The following CORO2B variants were observed in gnomAD, a reference collection of about 807,000 sequenced individuals.
CORO2B encodes the protein coronin-2B.
CORO2B carries 26 observed loss-of-function variants against 58.8 expected under a neutral mutation model. That is an observed-to-expected ratio of 0.44 (90% CI 0.32 to 0.61). The LOEUF is 0.61. CORO2B is among the 20% of genes least tolerant of loss of function. The pLI is 0.04. For missense variants in CORO2B, 460 were observed against 645.1 expected, an observed-to-expected ratio of 0.71 and a Z score of 3.11; for synonymous variants, 242 against 253.8, an observed-to-expected ratio of 0.95 and a Z score of 0.44.
chr15:68,641,532 A>G (rs1901228380), intron 1 of CORO2B: 1 of 985,210 alleles, frequency 1.0e-6, no homozygotes. Context: ...GTGAAGTCAG[A>G]TGGGAAAACA....
the CORO2B span, among the ~76,000 whole-genome samples, chr15:68,548,015 A>G: frequency 6.6e-6 from 1 of 152,106 alleles, no homozygotes; most frequent in East Asian, 2.0e-4. Context: ...TACTAAAAAT[A>G]CAAAAATTAG....
At chr15:68,683,874 A>G (rs923903702) in intron 2 of CORO2B, among the ~76,000 whole-genome samples, 1 of 152,158 alleles carries the variant, frequency 6.6e-6, no homozygotes, top group African/African-American at 2.4e-5. Flanking sequence ...GTGTATAACC[A>G]TGGGCATGGC....
chr15:68,533,176 T>A, the CORO2B span, among the ~76,000 whole-genome samples: 1 of 152,210 alleles, frequency 6.6e-6, no homozygotes, highest in Non-Finnish European at 1.5e-5. Flanking sequence ...ATCATTTGGC[T>A]TATCTTTTTG....
At chr15:68,714,129 C>A in intron 6 of CORO2B, 88 bp downstream of exon 6, 1 of 816,036 alleles carries the variant, frequency 1.2e-6, no homozygotes, top group Middle Eastern at 3.2e-4. Context: ...GGAGCCTGGG[C>A]CCGCACACCA....
intron 2 of CORO2B, among the ~76,000 whole-genome samples, chr15:68,682,343 G>A (rs1011395767): frequency 6.6e-6 from 1 of 152,196 alleles, no homozygotes. Flanking sequence ...CCTCAGGAAG[G>A]CTATGGGCAG....
At chr15:68,709,045 G>A (rs1157216518) in intron 3 of CORO2B, among the ~76,000 whole-genome samples, 1 of 152,162 alleles carries the variant, frequency 6.6e-6, no homozygotes, top group Non-Finnish European at 1.5e-5. Context: ...CAATTGACTA[G>A]TATTACATAT....
intron 3 of CORO2B, among the ~76,000 whole-genome samples, chr15:68,700,445 C>G (rs1474802097): frequency 6.7e-6 from 1 of 149,166 alleles, no homozygotes; most frequent in South Asian, 2.1e-4. Context: ...TTCCCCATAT[C>G]CCCCAGCCCT....
Position 68,598,616 on chromosome 15 carries a change from C to T in CORO2B, c.15+19339C>T, listed in dbSNP as rs544462931. ...CAGACTCCATTCCTGCCCTGGAGCC[C>T]GCTTGGCCTTGAACGCCCCTCTGCA... On this transcript the variant is annotated intron_variant, in intron 1 of 11. Coordinates refer to ENST00000261861, the MANE Select transcript of CORO2B (RefSeq NM_006091.5). 2.2e-4 allele frequency among the ~76,000 whole-genome samples: 33 copies of T among 152,162 alleles called. No homozygotes were observed. In the South Asian group the frequency reaches 5.6e-3, roughly 26 times the overall value.
At chr15:68,592,889 T>C (rs1899740427) in intron 1 of CORO2B, among the ~76,000 whole-genome samples, 1 of 152,242 alleles carries the variant, frequency 6.6e-6, no homozygotes, top group Admixed American at 6.5e-5. Flanking sequence ...GTTTCCAGCT[T>C]CATGTATGTT....
chr15:68,635,758 G>T (rs1190755951), intron 1 of CORO2B, among the ~76,000 whole-genome samples: 1 of 152,188 alleles, frequency 6.6e-6, no homozygotes, highest in Non-Finnish European at 1.5e-5. Flanking sequence ...GTGGGATCTG[G>T]TCCTGCAAAT....
At chr15:68,636,750 T>C (rs1230809991) in intron 1 of CORO2B, among the ~76,000 whole-genome samples, 2 of 152,188 alleles carry the variant, frequency 1.3e-5, no homozygotes, top group Non-Finnish European at 2.9e-5. Flanking sequence ...GTGTGGAGGT[T>C]TGGATTGATT....
upstream of CORO2B, among the ~76,000 whole-genome samples, chr15:68,574,961 T>C (rs1595946165): frequency 6.6e-6 from 1 of 152,192 alleles, no homozygotes; most frequent in African/African-American, 2.4e-5. Flanking sequence ...GAACTAATAC[T>C]GCAACGTCTT....
At chr15:68,714,323 T>C (rs562026298) in intron 6 of CORO2B, among the ~76,000 whole-genome samples, 36 of 152,262 alleles carry the variant, frequency 2.4e-4, no homozygotes, top group African/African-American at 8.2e-4. Flanking sequence ...AAGTAGCAGG[T>C]TTGGGGACAA....
At chr15:68,709,538 A>G (rs1049678346) in intron 3 of CORO2B, among the ~76,000 whole-genome samples, 1 of 145,214 alleles carries the variant, frequency 6.9e-6, no homozygotes, top group African/African-American at 2.6e-5. Context: ...GCACACTGTA[A>G]CCTCCGCGCC....
At chr15:68,716,743 G>T (rs1324985306) in intron 8 of CORO2B, among the ~76,000 whole-genome samples, 2 of 152,130 alleles carry the variant, frequency 1.3e-5, no homozygotes, top group African/African-American at 4.8e-5. Flanking sequence ...AATGGTTAGT[G>T]CAAAGCCTCT....
chr15:68,726,047 G>T lies in CORO2B; in HGVS notation c.*73G>T. The T allele has an allele frequency of 6.3e-7, 1 of 1,584,430 alleles. No homozygotes were observed. The highest frequency in any genetic ancestry group is 1.1e-5 in the South Asian group (1 of 88,968). On this transcript the variant is annotated 3_prime_UTR_variant, in exon 12 of 12. Transcript: ENST00000261861. The stretch of plus-strand genomic sequence containing the variant: ...TCATCCCTTAACTTCTCCCTTACCA[G>T]TGACCCCAGAGACAGAGCCAGGACA...
At chr15:68,603,156 A>C (rs962475771) in intron 1 of CORO2B, among the ~76,000 whole-genome samples, 1 of 152,136 alleles carries the variant, frequency 6.6e-6, no homozygotes, top group African/African-American at 2.4e-5. Context: ...TGGAATTAGG[A>C]TGCAGAATTG....
intron 2 of CORO2B, among the ~76,000 whole-genome samples, chr15:68,663,832 C>T (rs746239842): frequency 3.3e-5 from 5 of 152,188 alleles, no homozygotes; most frequent in Non-Finnish European, 7.3e-5. Context: ...TTTCAATTAG[C>T]ATTCTTATTA....
chr15:68,656,096 G>T (rs933832592), intron 2 of CORO2B, among the ~76,000 whole-genome samples: 37 of 151,942 alleles, frequency 2.4e-4, no homozygotes, highest in Admixed American at 1.3e-4. Context: ...AGTCCTTAGG[G>T]CAGTTTGCAC....
Sources: gnomAD v4.1 joint callset for allele counts (sites outside exome capture counted in the v4.1 genomes callset) on GRCh38, gnomAD v4.1.1 for gene constraint, MANE v1.5 for transcripts, NCBI Gene and HGNC (gene_info 2026-07-23, HGNC 2026-07-21) for gene names.